The following SNU13 variants were observed in gnomAD, a reference collection of about 807,000 sequenced individuals.
SNU13 encodes the protein NHP2-like protein 1.
In SNU13, 2 loss-of-function variants were observed where a neutral mutation model predicts 12.4. The observed-to-expected ratio is 0.16, with a 90% confidence interval of 0.07 to 0.51. The LOEUF is 0.51. Among genes scored for constraint, SNU13 ranks in the 20% least tolerant of loss-of-function variants. SNU13 has a pLI of 0.96. For synonymous variants in SNU13, 68 were observed against 66.5 expected (o/e 1.02, Z -0.11); for missense variants, 66 against 157.8 (o/e 0.42, Z 3.12).
rs555568765 is a variant in SNU13 at position 41,674,734 on chromosome 22, G to T, written c.*199C>A. 75 of 663,832 alleles carry T rather than the reference G, an allele frequency of 1.1e-4. No individual in the cohort carries two copies. Among genetic ancestry groups the T allele is most frequent in the Non-Finnish European group, 1.6e-4 (63 of 402,910 alleles). 41.1% of individuals were successfully genotyped at this position (663,832 alleles called of 1,614,324 possible). A position where few individuals can be genotyped will look rare whatever the true frequency, so the allele number is the denominator to read the frequency against. ...AGGGAGGATAAAAGGATGAAGGATG[G>T]CAGAGGGAGGGAGGAAAGGAAGGGG... On this transcript the variant is annotated 3_prime_UTR_variant, in exon 3 of 3. Transcript: ENST00000401959.
chr22:41,689,992 A>G (rs1359617904), upstream of SNU13, among the ~76,000 whole-genome samples: 1 of 152,146 alleles, frequency 6.6e-6, no homozygotes, highest in African/African-American at 2.4e-5. Flanking sequence ...AAAAAAAAAA[A>G]AAAATTCCAG....
At chr22:41,682,284 G>A in intron 1 of SNU13, 1 of 1,488,416 alleles carries the variant, frequency 6.7e-7, no homozygotes, top group Non-Finnish European at 9.4e-7. Context: ...TTCTGACACA[G>A]CGGGACCACG....
intron 2 of SNU13, among the ~76,000 whole-genome samples, chr22:41,677,057 TG>T (rs1042599002): frequency 2.0e-5 from 3 of 152,212 alleles, no homozygotes; most frequent in Non-Finnish European, 4.4e-5. Flanking sequence ...TGGCCTCCTT[TG>T]GGGCATTCTT....
intron 1 of SNU13, among the ~76,000 whole-genome samples, chr22:41,683,779 C>T (rs1461534765): frequency 3.3e-5 from 5 of 152,142 alleles, no homozygotes; most frequent in Non-Finnish European, 7.3e-5. Context: ...GACTAATTCC[C>T]CAAAACTTTG....
At chr22:41,683,440 T>G (rs566023544) in intron 1 of SNU13, among the ~76,000 whole-genome samples, 128 of 152,218 alleles carry the variant, frequency 8.4e-4, no homozygotes, top group African/African-American at 2.9e-3. Context: ...ACTGTCTTAT[T>G]ATGTTGTCCA....
chr22:41,682,606 A>C, intron 1 of SNU13: 3 of 1,410,748 alleles, frequency 2.1e-6, no homozygotes, highest in Non-Finnish European at 2.8e-6. Context: ...AATTAGGTGA[A>C]GGATGGAGGA....
chr22:41,679,408 T>C (rs1407420617), intron 2 of SNU13, among the ~76,000 whole-genome samples: 1 of 151,952 alleles, frequency 6.6e-6, no homozygotes, highest in African/African-American at 2.4e-5. Flanking sequence ...AATACAAAAT[T>C]AGCTGGACGT....
chr22:41,689,114 C>T (rs900419820), upstream of SNU13: 3 of 1,092,184 alleles, frequency 2.7e-6, no homozygotes, highest in African/African-American at 4.9e-5. Flanking sequence ...GTAATCCCGG[C>T]ACTTTGGGAG....
chr22:41,686,048 G>C (rs907386907), intron 1 of SNU13, among the ~76,000 whole-genome samples: 1 of 151,760 alleles, frequency 6.6e-6, no homozygotes, highest in Non-Finnish European at 1.5e-5. Flanking sequence ...GGGCTAAAGA[G>C]ATTCTCTCGC....
At chr22:41,684,336 T>C (rs1365749068) in intron 1 of SNU13, among the ~76,000 whole-genome samples, 1 of 152,226 alleles carries the variant, frequency 6.6e-6, no homozygotes, top group African/African-American at 2.4e-5. Flanking sequence ...TTTTGTTTTT[T>C]TTCTTTCCTT....
intron 1 of SNU13, among the ~76,000 whole-genome samples, chr22:41,687,311 G>A (rs1273905096): frequency 2.0e-5 from 3 of 152,116 alleles, no homozygotes; most frequent in Non-Finnish European, 4.4e-5. Context: ...AACCCCCAAA[G>A]TATGTACAAC....
chr22:41,685,154 CA>C (rs71184830), intron 1 of SNU13, among the ~76,000 whole-genome samples: 59 of 117,954 alleles, frequency 5.0e-4, no homozygotes, highest in Admixed American at 1.6e-3. Context: ...AACTCCATCT[CA>C]AAAAAAAAAA....
chr22:41,680,451 CAG>C (rs2068253271), intron 1 of SNU13, 87 bp from the exon 2 acceptor site: 1 of 1,434,900 alleles, frequency 7.0e-7, no homozygotes, highest in East Asian at 2.3e-5. Context: ...AATTGAGACA[CAG>C]GGGGCAGCTG....
At chr22:41,684,779 G>T (rs939218961) in intron 1 of SNU13, among the ~76,000 whole-genome samples, 7 of 152,160 alleles carry the variant, frequency 4.6e-5, no homozygotes, top group African/African-American at 1.7e-4. Context: ...GGAAACTGAG[G>T]CTGGGGACTG....
At chr22:41,679,727 T>C (rs2068246263) in intron 2 of SNU13, 1 of 151,842 alleles carries the variant, frequency 6.6e-6, no homozygotes. Flanking sequence ...GCTTCAGCAG[T>C]ACATATACTA....
At chr22:41,677,318 G>GTT (rs2068222841) in intron 2 of SNU13, among the ~76,000 whole-genome samples, 1 of 152,134 alleles carries the variant, frequency 6.6e-6, no homozygotes. Context: ...TGAACTCAGA[G>GTT]TTTGAGACCA....
At chr22:41,682,511 G>C in intron 1 of SNU13, 1 of 1,543,756 alleles carries the variant, frequency 6.5e-7, no homozygotes, top group Non-Finnish European at 8.7e-7. Flanking sequence ...GACGTCCAGG[G>C]CCAGCCCGTA....
In SNU13 at chr22:41,688,859, C is replaced by G; in HGVS notation, c.-63G>C. 4.6e-6 allele frequency: 7 copies of G among 1,533,914 alleles called. No homozygotes were observed. Among genetic ancestry groups the G allele is most frequent in the Non-Finnish European group, 6.2e-6 (7 of 1,131,648 alleles). The stretch of plus-strand genomic sequence containing the variant: ...GCAGCTGACGTTTCAGAAGCACTCG[C>G]GTGCACCGGAAAAACTCACAGAAGC... On this transcript the variant is annotated 5_prime_UTR_variant, in exon 1 of 3. Transcript: ENST00000401959.
chr22:41,682,141 G>A (rs1191419790), intron 1 of SNU13, among the ~76,000 whole-genome samples: 1 of 151,988 alleles, frequency 6.6e-6, no homozygotes, highest in Admixed American at 6.6e-5. Context: ...CTTGGAGGCT[G>A]GACATAGGGT....
Sources: allele counts gnomAD v4.1 joint callset (sites outside exome capture counted in the v4.1 genomes callset), GRCh38; gene constraint gnomAD v4.1.1; transcripts MANE v1.5; gene names NCBI Gene and HGNC (gene_info 2026-07-23, HGNC 2026-07-21).